Variants in CNR2 observed in about 807,000 individuals in gnomAD.
The protein encoded by CNR2 is cannabinoid receptor 2 (macrophage).
For synonymous variants in CNR2, 172 were observed against 182.2 expected (o/e 0.94, Z 0.45); for missense variants, 379 against 439.9 (o/e 0.86, Z 1.24).
At chr1:23,910,704 C>G (rs1456875747) in intron 1 of CNR2, among the ~76,000 whole-genome samples, 1 of 89,306 alleles carries the variant, frequency 1.1e-5, no homozygotes, top group African/African-American at 4.1e-5. Context: ...GAAAACAAAA[C>G]AAAAAAACAA....
At chr1:23,881,831 C>T (rs1168238031) in intron 1 of CNR2, among the ~76,000 whole-genome samples, 7 of 148,454 alleles carry the variant, frequency 4.7e-5, no homozygotes, top group African/African-American at 1.7e-4. Flanking sequence ...GCGGAGGTTT[C>T]GGTGAGCCAA....
At chr1:23,901,211 A>T (rs920878848) in intron 1 of CNR2, among the ~76,000 whole-genome samples, 1 of 152,064 alleles carries the variant, frequency 6.6e-6, no homozygotes, top group African/African-American at 2.4e-5. Flanking sequence ...TGCCATTGGG[A>T]GGGGATCTGG....
chr1:23,880,147 A>AC (rs1337251211), intron 1 of CNR2, among the ~76,000 whole-genome samples: 4 of 148,654 alleles, frequency 2.7e-5, no homozygotes, highest in Non-Finnish European at 5.9e-5. Context: ...TACCCTGACT[A>AC]CCCCATGTAA....
intron 1 of CNR2, chr1:23,901,731 G>GA (rs1640402967): frequency 7.1e-7 from 1 of 1,417,814 alleles, no homozygotes; most frequent in African/African-American, 1.4e-5. Context: ...GTCAGATTCT[G>GA]AGCCAGAACT....
chr1:23,879,111 T>C (rs1639936082), intron 1 of CNR2, among the ~76,000 whole-genome samples: 1 of 152,020 alleles, frequency 6.6e-6, no homozygotes, highest in South Asian at 2.1e-4. Context: ...TAATAGTGAG[T>C]AATTTATGCC....
intron 1 of CNR2, among the ~76,000 whole-genome samples, chr1:23,904,425 T>C (rs1439823324): frequency 6.6e-6 from 1 of 152,130 alleles, no homozygotes; most frequent in Non-Finnish European, 1.5e-5. Flanking sequence ...ATCGGCCTGG[T>C]GCTGCTTCCA....
intron 1 of CNR2, among the ~76,000 whole-genome samples, chr1:23,894,078 C>T (rs991769668): frequency 4.6e-5 from 7 of 151,630 alleles, no homozygotes; most frequent in African/African-American, 1.5e-4. Flanking sequence ...CGTGATCACA[C>T]CACTGCACTC....
At chr1:23,901,149 G>A (rs2148469054) in intron 1 of CNR2, among the ~76,000 whole-genome samples, 1 of 152,212 alleles carries the variant, frequency 6.6e-6, no homozygotes, top group South Asian at 2.1e-4. Flanking sequence ...GAACCACTTA[G>A]TATCCAAGAG....
intron 1 of CNR2, among the ~76,000 whole-genome samples, chr1:23,888,699 G>C (rs1008772269): frequency 2.0e-5 from 3 of 152,142 alleles, no homozygotes; most frequent in Non-Finnish European, 4.4e-5. Context: ...GGCCAGGCGC[G>C]GTGGCTCACG....
chr1:23,902,265 A>G, intron 1 of CNR2: 2 of 1,403,172 alleles, frequency 1.4e-6, no homozygotes, highest in Non-Finnish European at 2.0e-6. Context: ...CATCTCACAG[A>G]AGCCTTGGGA....
At chr1:23,898,366 G>A in intron 1 of CNR2, among the ~76,000 whole-genome samples, 1 of 84,892 alleles carries the variant, frequency 1.2e-5, no homozygotes, top group African/African-American at 4.8e-5. Context: ...TTTTGAGATG[G>A]AGTCTTGTTC....
At chr1:23,903,079 G>GGGCGGCGGC (rs57812017) in intron 1 of CNR2, among the ~76,000 whole-genome samples, 6 of 150,670 alleles carry the variant, frequency 4.0e-5, no homozygotes, top group African/African-American at 1.2e-4. Flanking sequence ...CACCATTCAT[G>GGGCGGCGGC]GGCGGCGGCG....
chr1:23,908,164 A>G (rs1313968676), intron 1 of CNR2, among the ~76,000 whole-genome samples: 1 of 151,982 alleles, frequency 6.6e-6, no homozygotes, highest in Non-Finnish European at 1.5e-5. Flanking sequence ...TATTTTTAGT[A>G]GAGACGGGGT....
chr1:23,902,272 G>T (rs6662481), intron 1 of CNR2: 8 of 1,450,944 alleles, frequency 5.5e-6, no homozygotes, highest in Admixed American at 3.9e-5. Context: ...CAGAAGCCTT[G>T]GGACCGCAGG....
chr1:23,881,525 G>A (rs987145618), intron 1 of CNR2, among the ~76,000 whole-genome samples: 2 of 150,982 alleles, frequency 1.3e-5, no homozygotes, highest in Admixed American at 6.6e-5. Flanking sequence ...CCTAGGAGGC[G>A]GAGGCTGCAA....
intron 1 of CNR2, among the ~76,000 whole-genome samples, chr1:23,889,789 G>C (rs1290673292): frequency 6.6e-6 from 1 of 152,126 alleles, no homozygotes; most frequent in Non-Finnish European, 1.5e-5. Flanking sequence ...GTGTGACCTT[G>C]GGCACCTTAC....
At chr1:23,903,522 C>T (rs1292652832) in intron 1 of CNR2, among the ~76,000 whole-genome samples, 4 of 147,096 alleles carry the variant, frequency 2.7e-5, no homozygotes, top group African/African-American at 5.1e-5. Context: ...TACAGCTAGC[C>T]GTGATGTGCC....
At chr1:23,889,036 T>C (rs1310487191) in intron 1 of CNR2, among the ~76,000 whole-genome samples, 1 of 152,118 alleles carries the variant, frequency 6.6e-6, no homozygotes, top group Non-Finnish European at 1.5e-5. Context: ...AAGTCCTTTC[T>C]TCACCTAACA....
In CNR2 at chr1:23,905,190, C is replaced by CTTT. The variant is rs1199647705; in HGVS notation, c.-46+8053_-46+8055dup. On this transcript the variant is annotated intron_variant, in intron 1 of 1. Coordinates refer to ENST00000374472, the MANE Select transcript of CNR2 (RefSeq NM_001841.3). Reference sequence around the variant, plus strand: ...ACTTAACTTTTCTTTTCTTTTCTTTCTTTTTTTTTTTTTGAGATGAGTCTG... The same window carrying CTTT: ...ACTTAACTTTTCTTTTCTTTTCTTTCTTTTTTTTTTTTTTTTGAGATGAGTCTG... 6.1e-3 allele frequency among the ~76,000 whole-genome samples: 879 copies of CTTT among 143,234 alleles called. 12 individuals are homozygous for CTTT. Among genetic ancestry groups the CTTT allele is most frequent in the African/African-American group, 0.022 (848 of 38,234 alleles). The allele number at this position is 143,234 out of a possible 152,430, so 94.0% of individuals were successfully genotyped here. A position where few individuals can be genotyped will look rare whatever the true frequency, so the allele number is the denominator to read the frequency against.
Sources: gnomAD v4.1 joint callset for allele counts (sites outside exome capture counted in the v4.1 genomes callset) on GRCh38, gnomAD v4.1.1 for gene constraint, MANE v1.5 for transcripts, NCBI Gene and HGNC (gene_info 2026-07-23, HGNC 2026-07-21) for gene names.